Variants in C9orf85 observed in about 807,000 individuals in gnomAD.
The protein encoded by C9orf85 is uncharacterized protein C9orf85.
Under a neutral mutation model 14.9 loss-of-function variants are expected in C9orf85, and 16 were observed. The ratio of observed to expected loss-of-function variants is 1.08; its 90% confidence interval spans 0.73 to 1.63. The LOEUF (loss-of-function observed/expected upper bound fraction) is 1.63. Among genes scored for constraint, C9orf85 ranks in the 40% most tolerant of loss-of-function variants. The pLI is 0.00. For synonymous variants in C9orf85, 45 were observed against 56.8 expected (o/e 0.79, Z 0.93); for missense variants, 172 against 186.1 (o/e 0.92, Z 0.44).
chr9:71,955,825 T>G (rs1822367865), intron 2 of C9orf85, among the ~76,000 whole-genome samples: 1 of 152,220 alleles, frequency 6.6e-6, no homozygotes, highest in Non-Finnish European at 1.5e-5. Context: ...TGAGGAATAA[T>G]GTATGCTATA....
intron 2 of C9orf85, among the ~76,000 whole-genome samples, chr9:71,957,115 G>A (rs568233422): frequency 6.6e-6 from 1 of 152,146 alleles, no homozygotes; most frequent in South Asian, 2.1e-4. Flanking sequence ...CACCGGCCAA[G>A]ACTGACTTTC....
chr9:71,970,903 G>C (rs1220558866), intron 2 of C9orf85, among the ~76,000 whole-genome samples: 2 of 148,862 alleles, frequency 1.3e-5, no homozygotes, highest in African/African-American at 5.0e-5. Flanking sequence ...TCCCAGGCAT[G>C]CCACCACACC....
intron 1 of C9orf85, among the ~76,000 whole-genome samples, chr9:71,937,466 G>A (rs1466812336): frequency 2.6e-5 from 4 of 152,134 alleles, no homozygotes; most frequent in African/African-American, 9.7e-5. Flanking sequence ...TCAGTCTTTG[G>A]ATAAAAATGT....
At chr9:71,954,260 TG>T (rs1172267210) in intron 2 of C9orf85, among the ~76,000 whole-genome samples, 2 of 100,078 alleles carry the variant, frequency 2.0e-5, no homozygotes, top group Admixed American at 2.3e-4. Flanking sequence ...GAGAGTTGGC[TG>T]GGGGGATTGG....
chr9:71,944,728 C>T (rs1822037193), intron 1 of C9orf85, among the ~76,000 whole-genome samples: 1 of 152,112 alleles, frequency 6.6e-6, no homozygotes, highest in South Asian at 2.1e-4. Context: ...AATGGTAAAA[C>T]AGGTATATAC....
At chr9:71,962,760 A>G (rs1397557093) in intron 2 of C9orf85, among the ~76,000 whole-genome samples, 6 of 152,188 alleles carry the variant, frequency 3.9e-5, no homozygotes, top group African/African-American at 1.4e-4. Flanking sequence ...TACAATACAA[A>G]AAGTTGTGTT....
intron 1 of C9orf85, among the ~76,000 whole-genome samples, chr9:71,920,785 T>G (rs140359498): frequency 7.1e-4 from 108 of 152,324 alleles, no homozygotes; most frequent in African/African-American, 2.1e-3. Flanking sequence ...TGCCTAAGAT[T>G]CTTTTCTTAG....
At chr9:71,976,384 C>A (rs1429662628), downstream of C9orf85, among the ~76,000 whole-genome samples, 1 of 152,056 alleles carries the variant, frequency 6.6e-6, no homozygotes, top group East Asian at 1.9e-4. Flanking sequence ...AATTATTGGC[C>A]GGGCACGGTG....
chr9:71,939,432 T>C (rs1156296151), intron 1 of C9orf85, among the ~76,000 whole-genome samples: 2 of 152,064 alleles, frequency 1.3e-5, no homozygotes, highest in Non-Finnish European at 2.9e-5. Flanking sequence ...TTCATCAATG[T>C]ATAAAAAGGA....
intron 1 of C9orf85, among the ~76,000 whole-genome samples, chr9:71,926,904 G>A (rs1827942563): frequency 6.6e-6 from 1 of 151,038 alleles, no homozygotes; most frequent in Admixed American, 6.6e-5. Context: ...AGGTAAGAAA[G>A]AAATGATAAA....
At chr9:71,916,294 A>G (rs1827648285) in intron 1 of C9orf85, among the ~76,000 whole-genome samples, 1 of 152,136 alleles carries the variant, frequency 6.6e-6, no homozygotes, top group Non-Finnish European at 1.5e-5. Flanking sequence ...TAATATATAT[A>G]TAGTCAGTAT....
intron 1 of C9orf85, among the ~76,000 whole-genome samples, chr9:71,940,394 A>G (rs1821890935): frequency 6.6e-6 from 1 of 152,162 alleles, no homozygotes; most frequent in African/African-American, 2.4e-5. Context: ...TGATCATGCC[A>G]CTGCGCTCAA....
At chr9:71,913,623 C>T (rs1827573295) in intron 1 of C9orf85, among the ~76,000 whole-genome samples, 2 of 152,178 alleles carry the variant, frequency 1.3e-5, no homozygotes, top group Non-Finnish European at 2.9e-5. Context: ...AAATAAAAAG[C>T]TGCACTATTC....
At position 71,971,525 on chromosome 9, in the gene C9orf85, C is replaced by A; in HGVS notation, c.230C>A (p.Thr77Lys). 1 of 1,593,600 alleles carries A rather than the reference C, an allele frequency of 6.3e-7. No individual in the cohort carries two copies. The highest frequency in any genetic ancestry group is 8.6e-7 in the Non-Finnish European group (1 of 1,169,346). Residue 77 changes from threonine to lysine, a missense_variant, in exon 3 of 4, where the codon ACA (threonine) becomes AAA (lysine). By Grantham distance (78) the Thr-to-Lys change is moderately conservative (BLOSUM62 -1). Coordinates refer to ENST00000334731, the MANE Select transcript of C9orf85 (RefSeq NM_182505.5). ...PKKCVKCLQK[T>K]VKDSYHIMCR... ...TTTAGTGTTAAATGTTTACAAAAGA[C>A]AGTGAAGGATTCTTATCACATAATG...
chr9:71,937,002 T>C (rs1564088187), intron 1 of C9orf85, among the ~76,000 whole-genome samples: 1 of 152,090 alleles, frequency 6.6e-6, no homozygotes, highest in Non-Finnish European at 1.5e-5. Flanking sequence ...CAAGTGATCC[T>C]CCCATCTCGG....
At chr9:71,928,211 A>T (rs1265062222) in intron 1 of C9orf85, among the ~76,000 whole-genome samples, 2 of 123,588 alleles carry the variant, frequency 1.6e-5, no homozygotes, top group African/African-American at 5.9e-5. Flanking sequence ...AAAAAAAAAA[A>T]AAAAGGCAAT....
chr9:71,944,382 A>C (rs1475162220), intron 1 of C9orf85, among the ~76,000 whole-genome samples: 3 of 151,898 alleles, frequency 2.0e-5, no homozygotes, highest in Non-Finnish European at 4.4e-5. Context: ...TCTTTCACTG[A>C]TTCCTAAGTT....
chr9:71,930,149 G>A (rs949979243), intron 1 of C9orf85, among the ~76,000 whole-genome samples: 1 of 151,992 alleles, frequency 6.6e-6, no homozygotes, highest in African/African-American at 2.4e-5. Context: ...AATAAACTTT[G>A]TAGATAAATA....
intron 1 of C9orf85, among the ~76,000 whole-genome samples, chr9:71,913,393 T>C (rs1827566475): frequency 6.6e-6 from 1 of 152,140 alleles, no homozygotes; most frequent in Non-Finnish European, 1.5e-5. Flanking sequence ...CTAGGTGATA[T>C]GGGCAAAAAG....
Sources: allele counts gnomAD v4.1 joint callset (sites outside exome capture counted in the v4.1 genomes callset), GRCh38; gene constraint gnomAD v4.1.1; transcripts MANE v1.5; gene names NCBI Gene and HGNC (gene_info 2026-07-23, HGNC 2026-07-21).